The following DPF1 variants were observed in gnomAD, a reference collection of about 807,000 sequenced individuals.
DPF1 encodes the protein zinc finger protein neuro-d4.
A neutral mutation model predicts 58.7 loss-of-function variants in DPF1; 14 were observed. That is an observed-to-expected ratio of 0.24 (90% CI 0.16 to 0.37). The LOEUF is 0.37. Ranked by LOEUF, DPF1 falls within the 10% of genes least tolerant of loss-of-function variation. DPF1 has a pLI of 1.00. For missense variants in DPF1, 345 were observed against 529.9 expected, an observed-to-expected ratio of 0.65 and a Z score of 3.43; for synonymous variants, 216 against 216.0, an observed-to-expected ratio of 1.00 and a Z score of 0.00.
chr19:38,224,036 AC>A lies in DPF1; in HGVS notation c.29+77del. 6.5e-6 allele frequency: 9 copies of A among 1,388,534 alleles called. No individual in the cohort carries two copies. Among genetic ancestry groups the A allele is most frequent in the South Asian group, 3.4e-5 (2 of 58,372 alleles). The allele number at this position is 1,388,534 out of a possible 1,614,324, so 86.0% of individuals were successfully genotyped here. On this transcript the variant is annotated intron_variant, in intron 1 of 11. Transcript: ENST00000355526. This position sits in a 1 kb window ranked among gnomAD's most constrained non-coding sequence, Gnocchi z 4.5. ...GCCCCCCAGACACCCCTTCGGCCCC[AC>A]CCCCGGTCGCCACACACACACAGGC...
In DPF1 at chr19:38,211,544, G is replaced by C. The variant is rs565434754; in HGVS notation, c.*519C>G. The C allele has an allele frequency of 9.1e-5, 14 of 153,304 alleles. No homozygotes were observed. The highest frequency in any genetic ancestry group is 3.1e-4 in the African/African-American group (13 of 41,548). The allele number at this position is 153,304 out of a possible 1,614,324, so 9.5% of individuals were successfully genotyped here. ...ACAAGAGGGGAAGGCGCCCACCTTGGGTGGGGCGCGGGACGGCTGCAGCTC... is the reference window on the plus strand; with the variant it reads ...ACAAGAGGGGAAGGCGCCCACCTTGCGTGGGGCGCGGGACGGCTGCAGCTC... On this transcript the variant is annotated 3_prime_UTR_variant, in exon 12 of 12. Coordinates refer to ENST00000355526, the MANE Select transcript of DPF1 (RefSeq NM_001135155.3). The surrounding 1 kb of genome is among the most constrained non-coding windows in gnomAD (Gnocchi z 4.0).
chr19:38,220,526 C>T (rs1259759813), intron 3 of DPF1, among the ~76,000 whole-genome samples: 3 of 149,810 alleles, frequency 2.0e-5, no homozygotes, highest in Non-Finnish European at 3.0e-5. Context: ...GAGGCTGAGG[C>T]AGGAGAATGG....
Position 38,222,552 on chromosome 19 carries a change from C to T in DPF1, c.186G>A (p.Gly62=). ...CYIWMEKTHR[G]PGLAPGQIYT... ...CGCCAGCCCTCCCGGCGGTACCCGG[C>T]CCGCGGTGGGTCTTCTCCATCCAGA... The change falls in exon 2 of 12, where the codon GGG becomes GGA. Residue 62 remains glycine (G), a synonymous_variant. Transcript: ENST00000355526. The surrounding 1 kb of genome is among the most constrained non-coding windows in gnomAD (Gnocchi z 4.9). The T allele has an allele frequency of 1.2e-6, 2 of 1,607,104 alleles. No homozygotes were observed. The highest frequency in any genetic ancestry group is 1.7e-6 in the Non-Finnish European group (2 of 1,177,176).
chr19:38,217,790 G>C lies in DPF1; in HGVS notation c.595+8C>G, dbSNP rs1386225997. The C allele has an allele frequency of 6.2e-7, 1 of 1,614,062 alleles. No individual in the cohort carries two copies. Among genetic ancestry groups the C allele is most frequent in the Non-Finnish European group, 8.5e-7 (1 of 1,180,002 alleles). ...TCTCTGCCTTTCCCCCTCTTCAGAA[G>C]GACTCACTATCACAGACATACGGCT... On this transcript the variant is annotated splice_region_variant and intron_variant, in intron 6 of 11. Transcript: ENST00000355526.
intron 10 of DPF1, among the ~76,000 whole-genome samples, chr19:38,212,774 CTTTTTTTTT>C (rs11367248): frequency 7.3e-5 from 6 of 81,694 alleles, no homozygotes; most frequent in Non-Finnish European, 1.1e-4. Flanking sequence ...CCATGCACGA[CTTTTTTTTT>C]TTTTTTTTTT....
At chr19:38,217,068 A>T (rs1967073289) in intron 7 of DPF1, among the ~76,000 whole-genome samples, 1 of 151,800 alleles carries the variant, frequency 6.6e-6, no homozygotes, top group African/African-American at 2.4e-5. Flanking sequence ...CCCCTCCCCC[A>T]TCCTTCAGCT....
chr19:38,214,960 G>A (rs555875322), intron 9 of DPF1, among the ~76,000 whole-genome samples: 56 of 149,260 alleles, frequency 3.8e-4, no homozygotes, highest in Middle Eastern at 3.4e-3. Context: ...CTCAGCCTCC[G>A]GAGTAGCTGG....
chr19:38,228,395 C>T (rs931322212), upstream of DPF1, among the ~76,000 whole-genome samples: 8 of 151,718 alleles, frequency 5.3e-5, no homozygotes, highest in African/African-American at 1.7e-4. Flanking sequence ...TCCCTCTCTC[C>T]CCCCACCCCC....
chr19:38,228,906 G>A (rs1313302357), upstream of DPF1, among the ~76,000 whole-genome samples: 1 of 151,926 alleles, frequency 6.6e-6, no homozygotes, highest in African/African-American at 2.4e-5. Context: ...TGGGCAGCCG[G>A]TCCCCAAAGG....
rs1257086305 is a variant in DPF1 at position 38,211,708 on chromosome 19, T to C, written c.*355A>G. The C allele has an allele frequency of 4.5e-6, 1 of 221,054 alleles. No individual in the cohort carries two copies. The highest frequency in any genetic ancestry group is 8.8e-6 in the Non-Finnish European group (1 of 113,272). 13.7% of individuals were successfully genotyped at this position (221,054 alleles called of 1,614,324 possible). A position where few individuals can be genotyped will look rare whatever the true frequency, so the allele number is the denominator to read the frequency against. On this transcript the variant is annotated 3_prime_UTR_variant, in exon 12 of 12. Coordinates refer to ENST00000355526, the MANE Select transcript of DPF1 (RefSeq NM_001135155.3). This position sits in a 1 kb window ranked among gnomAD's most constrained non-coding sequence, Gnocchi z 4.0. ...TAACTTCTTTTCTTTTCTTCTTTTTTTTTTTTTTAACTTTTTGTCTTTTTC... is the reference window on the plus strand; with the variant it reads ...TAACTTCTTTTCTTTTCTTCTTTTTCTTTTTTTTAACTTTTTGTCTTTTTC...
rs1483990842 is a variant in DPF1 at position 38,222,315 on chromosome 19, A to C, written c.298+42T>G. The stretch of plus-strand genomic sequence containing the variant: ...ATGGACGAGTGCTAGGACACACAGC[A>C]GGCGCTGGGACACCGATGGGGGCCC... On this transcript the variant is annotated intron_variant, in intron 3 of 11. Transcript: ENST00000355526. The surrounding 1 kb of genome is among the most constrained non-coding windows in gnomAD (Gnocchi z 4.9). The C allele has an allele frequency of 6.7e-7, 1 of 1,501,492 alleles. No homozygotes were observed. The highest frequency in any genetic ancestry group is 9.1e-7 in the Non-Finnish European group (1 of 1,102,958). The allele number at this position is 1,501,492 out of a possible 1,614,324, so 93.0% of individuals were successfully genotyped here.
chr19:38,218,671 TAGAG>T lies in DPF1; in HGVS notation c.427-13_427-10del. 9.9e-6 allele frequency: 16 copies of T among 1,614,092 alleles called. No homozygotes were observed. Among genetic ancestry groups the T allele is most frequent in the Non-Finnish European group, 1.4e-5 (16 of 1,179,982 alleles). Reference sequence around the variant, plus strand: ...TCCAGCAACTGCTGTTTCTGGGCAATAGAGAAAGGAGACGGGTCAAGAAAGTGGG... The same window carrying T: ...TCCAGCAACTGCTGTTTCTGGGCAATAAAGGAGACGGGTCAAGAAAGTGGG... On this transcript the variant is annotated splice_polypyrimidine_tract_variant and intron_variant, in intron 4 of 11. Coordinates refer to ENST00000355526, the MANE Select transcript of DPF1 (RefSeq NM_001135155.3).
At position 38,211,696 on chromosome 19, in the gene DPF1, TTTC is replaced by T. The variant is rs899781175; in HGVS notation, c.*364_*366del. 8.8e-5 allele frequency: 18 copies of T among 205,098 alleles called. No homozygotes were observed. Among genetic ancestry groups the T allele is most frequent in the Admixed American group, 1.7e-4 (3 of 17,788 alleles). The allele number at this position is 205,098 out of a possible 1,614,324, so 12.7% of individuals were successfully genotyped here. ...CTTTGTATATATTAACTTCTTTTCT[TTTC>T]TTCTTTTTTTTTTTTTTAACTTTTT... is the stretch of plus-strand genomic sequence containing the variant. On this transcript the variant is annotated 3_prime_UTR_variant, in exon 12 of 12. Coordinates refer to ENST00000355526, the MANE Select transcript of DPF1 (RefSeq NM_001135155.3). This position sits in a 1 kb window ranked among gnomAD's most constrained non-coding sequence, Gnocchi z 4.0.
Position 38,216,164 on chromosome 19 carries a change from A to G in DPF1, c.874T>C (p.Ser292Pro). 1.2e-6 allele frequency: 2 copies of G among 1,613,964 alleles called. No homozygotes were observed. Among genetic ancestry groups the G allele is most frequent in the Non-Finnish European group, 1.7e-6 (2 of 1,179,968 alleles). ...KKTGCPEDLISCADCGRSGHP... is the reference protein window; with the variant it reads ...KKTGCPEDLIPCADCGRSGHP... ...CCTGATCGCCCACAGTCCGCACAGG[A>G]GATGAGGTCCTCGGGACACCCCGTC... Residue 292 changes from serine to proline, a missense_variant, in exon 9 of 12, where the codon TCC (serine) becomes CCC (proline). Transcript: ENST00000355526.
At position 38,217,557 on chromosome 19, in the gene DPF1, G is replaced by C; in HGVS notation, c.630C>G (p.Leu210=). The stretch of plus-strand genomic sequence containing the variant: ...GGTGGGTGTGGGTGTAGTGGTAGCT[G>C]AGCCCCGGCCGGTTCTTATACCGTT... The part of the protein sequence containing the change: ...CGKRYKNRPG[L]SYHYTHTHLA... The change falls in exon 7 of 12, where the codon CTC becomes CTG. Residue 210 remains leucine, a synonymous_variant. Transcript: ENST00000355526. 6.4e-7 allele frequency: 1 copy of C among 1,551,506 alleles called. No homozygotes were observed. The highest frequency in any genetic ancestry group is 1.7e-4 in the Middle Eastern group (1 of 5,970).
At position 38,212,137 on chromosome 19, in the gene DPF1, CG is replaced by C; in HGVS notation, c.1094-5del. 6.2e-7 allele frequency: 1 copy of C among 1,606,000 alleles called. No homozygotes were observed. ...CAGAGGTGACAGCTCCAGCTCCCTG[CG>C]GGGGCAGCCGAAGCTGAAGTCAGGC... On this transcript the variant is annotated splice_polypyrimidine_tract_variant and splice_region_variant and intron_variant, in intron 11 of 11. Coordinates refer to ENST00000355526, the MANE Select transcript of DPF1 (RefSeq NM_001135155.3).
At chr19:38,227,477 ACT>A (rs1967879774), upstream of DPF1, among the ~76,000 whole-genome samples, 1 of 150,106 alleles carries the variant, frequency 6.7e-6, no homozygotes, top group Admixed American at 6.7e-5. Flanking sequence ...ACTCCCACAT[ACT>A]CTCCTACACA....
rs1434542310 is a variant in DPF1, at chr19:38,222,657, G to C, written c.81C>G (p.Asn27Lys). 2 of 1,608,424 alleles carry C rather than the reference G, an allele frequency of 1.2e-6. No homozygotes were observed. The highest frequency in any genetic ancestry group is 1.7e-6 in the Non-Finnish European group (2 of 1,177,922). ...GGCTGCGCTCGGCGCACAGGCGCGC[G>C]TTGTAACTGCGGCAGTGCTCGATGG... The part of the protein sequence containing the change: ...REAIEHCRSY[N>K]ARLCAERSLR... Residue 27 changes from asparagine to lysine, a missense_variant, in exon 2 of 12, where the codon AAC becomes AAG. Coordinates refer to ENST00000355526, the MANE Select transcript of DPF1 (RefSeq NM_001135155.3). The surrounding 1 kb of genome is among the most constrained non-coding windows in gnomAD (Gnocchi z 4.9).
rs1387748700 is a variant in DPF1 at position 38,221,824 on chromosome 19, G to A, written c.298+533C>T. Among the ~76,000 whole-genome samples the A allele has an allele frequency of 3.3e-5, 5 of 152,156 alleles. No homozygotes were observed. The East Asian group carries it at 9.7e-4, about 29-fold the overall frequency. ...AGGCCAGGCGCGGTGGCTCACACCT[G>A]TAATCCCAGCACTTTGGGAGGCCGA... On this transcript the variant is annotated intron_variant, in intron 3 of 11. Transcript: ENST00000355526.
Sources: allele counts gnomAD v4.1 joint callset (sites outside exome capture counted in the v4.1 genomes callset), GRCh38; gene constraint gnomAD v4.1.1; non-coding constraint Gnocchi (gnomAD v3.1); transcripts MANE v1.5; gene names NCBI Gene and HGNC (gene_info 2026-07-23, HGNC 2026-07-21).